Variants in CELA2B observed in about 807,000 individuals in gnomAD.
CELA2B encodes chymotrypsin like elastase 2B.
CELA2B carries 27 observed loss-of-function variants against 36.5 expected under a neutral mutation model. The observed-to-expected ratio is 0.74, with a 90% CI of 0.55 to 1.02. The LOEUF is 1.02. Among genes scored for constraint, CELA2B ranks in the 50% least tolerant of loss-of-function variants. The pLI, the probability that CELA2B is intolerant of heterozygous loss-of-function variation, is 0.00. For synonymous variants in CELA2B, 143 were observed against 148.5 expected (o/e 0.96, Z 0.27); for missense variants, 340 against 347.8 (o/e 0.98, Z 0.18).
chr1:15,483,434 G>C (rs1306243951), intron 5 of CELA2B, 34 bp downstream of exon 5: 1 of 1,613,230 alleles, frequency 6.2e-7, no homozygotes, highest in Non-Finnish European at 8.5e-7. Context: ...AGGCCTGGGA[G>C]GGAAGGGAGG....
Position 15,487,579 on chromosome 1 carries a change from T to C in CELA2B, c.792+142T>C, listed in dbSNP as rs546789093. On this transcript the variant is annotated intron_variant, in intron 7 of 7. Coordinates refer to ENST00000375910, the MANE Select transcript of CELA2B (RefSeq NM_015849.3). The stretch of plus-strand genomic sequence containing the variant: ...ACCCCTTGGAGGAGGCTGCAGACCT[T>C]GGCAACTGCTGAGTCCCCCATGGGT... The C allele has an allele frequency of 2.6e-6, 3 of 1,132,558 alleles. No homozygotes were observed. In the East Asian group the frequency reaches 7.4e-5, roughly 28 times the overall value. The allele number at this position is 1,132,558 out of a possible 1,614,324, so 70.2% of individuals were successfully genotyped here.
At chr1:15,486,995 A>G (rs1442547511) in intron 6 of CELA2B, among the ~76,000 whole-genome samples, 1 of 152,142 alleles carries the variant, frequency 6.6e-6, no homozygotes, top group Non-Finnish European at 1.5e-5. Flanking sequence ...CCAACCTCTC[A>G]ACACTCCAGT....
intron 2 of CELA2B, among the ~76,000 whole-genome samples, chr1:15,480,024 C>A (rs1008509510): frequency 3.9e-5 from 6 of 151,966 alleles, no homozygotes; most frequent in African/African-American, 1.2e-4. Flanking sequence ...AGAGTCTGAG[C>A]AGAGAAGAGA....
chr1:15,489,412 A>G (rs1043149195), intron 7 of CELA2B, among the ~76,000 whole-genome samples: 53 of 152,270 alleles, frequency 3.5e-4, no homozygotes, highest in African/African-American at 8.4e-4. Context: ...GATGCCCGGT[A>G]ACGGGTTTCA....
chr1:15,485,223 C>G (rs1375864742), intron 5 of CELA2B, among the ~76,000 whole-genome samples: 3 of 152,142 alleles, frequency 2.0e-5, no homozygotes, highest in African/African-American at 4.8e-5. Context: ...GCTTCAATAG[C>G]AAGTGAAAAA....
rs1708684671 is a variant in CELA2B at position 15,477,251 on chromosome 1, A to G, written c.129+706A>G. ...CAGATTCATCTTTAACTACAGGCAA[A>G]TCAATGTTACCAAGGAAAATAAATG... On this transcript the variant is annotated intron_variant, in intron 2 of 7. Transcript: ENST00000375910. 2.6e-5 allele frequency among the ~76,000 whole-genome samples: 4 copies of G among 152,346 alleles called. 1 individual carries two copies. The South Asian group carries it at 8.3e-4, about 32-fold the overall frequency.
Position 15,481,488 on chromosome 1 carries a change from A to G in CELA2B, c.227+293A>G, listed in dbSNP as rs3737700. On this transcript the variant is annotated intron_variant, in intron 3 of 7. Coordinates refer to ENST00000375910, the MANE Select transcript of CELA2B (RefSeq NM_015849.3). ...ACTACATGTGGCCTCAGTGTCTGGA[A>G]TTGGGTTCCCTTGAACAACTTAACT... Among the ~76,000 whole-genome samples, 727 of 152,322 alleles carry G rather than the reference A, an allele frequency of 4.8e-3. 7 individuals are homozygous for G. The highest frequency in any genetic ancestry group is 0.022 in the East Asian group (113 of 5,182).
At position 15,485,936 on chromosome 1, in the gene CELA2B, C is replaced by A; in HGVS notation, c.529C>A (p.Gln177Lys). Residue 177 changes from glutamine to lysine, a missense_variant, in exon 6 of 8, where the codon CAG (glutamine) becomes AAG (lysine). Gln to Lys is a moderately conservative substitution (Grantham distance 53). Transcript: ENST00000375910. ...GALPDDLKQG[Q>K]LLVVDYATCS... ...TCTCCCTGATGACCTGAAGCAGGGCCAGTTGCTGGTTGTGGACTATGCCAC... is the reference window on the plus strand; with the variant it reads ...TCTCCCTGATGACCTGAAGCAGGGCAAGTTGCTGGTTGTGGACTATGCCAC... The A allele has an allele frequency of 6.2e-7, 1 of 1,614,172 alleles. No homozygotes were observed.
intron 5 of CELA2B, among the ~76,000 whole-genome samples, chr1:15,484,783 T>C (rs752802308): frequency 2.0e-5 from 3 of 152,056 alleles, no homozygotes; most frequent in Non-Finnish European, 4.4e-5. Flanking sequence ...ATCTGTAAAA[T>C]GGAAACACTG....
intron 1 of CELA2B, 145 bp downstream of exon 1, chr1:15,476,310 G>T: frequency 7.1e-7 from 1 of 1,417,208 alleles, no homozygotes; most frequent in South Asian, 1.3e-5. Context: ...GAGTTTCAAA[G>T]AATTGGAGCA....
At chr1:15,490,277 T>C (rs61781042) in intron 7 of CELA2B, among the ~76,000 whole-genome samples, 5 of 92,938 alleles carry the variant, frequency 5.4e-5, no homozygotes, top group South Asian at 3.1e-4. Flanking sequence ...CACACACACA[T>C]AGACACTGTC....
At chr1:15,485,511 A>G (rs1302938425) in intron 5 of CELA2B, among the ~76,000 whole-genome samples, 2 of 152,260 alleles carry the variant, frequency 1.3e-5, no homozygotes. Flanking sequence ...CAGGGGCTGG[A>G]AGCCTGTGAG....
intron 5 of CELA2B, among the ~76,000 whole-genome samples, chr1:15,484,770 C>G (rs767767134): frequency 7.2e-5 from 11 of 152,124 alleles, no homozygotes; most frequent in Non-Finnish European, 4.4e-5. Context: ...CCTCAGTTTC[C>G]TCATCTGTAA....
intron 2 of CELA2B, among the ~76,000 whole-genome samples, chr1:15,480,136 G>A (rs1426799665): frequency 6.6e-6 from 1 of 152,154 alleles, no homozygotes; most frequent in Non-Finnish European, 1.5e-5. Context: ...TGATCATCGA[G>A]AAGAGAGGGT....
In CELA2B at chr1:15,483,296, C is replaced by G; in HGVS notation, c.389C>G (p.Pro130Arg). 6.2e-7 allele frequency: 1 copy of G among 1,613,902 alleles called. No individual in the cohort carries two copies. ...ATTGCCCTGCTCAAACTGGCTAACC[C>G]CGTCTCCCTCACCGACAAGATCCAG... ...NDIALLKLANPVSLTDKIQLA... is the reference protein window; with the variant it reads ...NDIALLKLANRVSLTDKIQLA... The change falls in exon 5 of 8, where the codon CCC (proline) becomes CGC (arginine). Residue 130 changes from proline (P) to arginine (R), a missense_variant. By Grantham distance (103) the Pro-to-Arg change is moderately radical. Transcript: ENST00000375910.
intron 7 of CELA2B, among the ~76,000 whole-genome samples, chr1:15,489,141 C>A (rs1427349428): frequency 6.6e-6 from 1 of 152,218 alleles, no homozygotes; most frequent in African/African-American, 2.4e-5. Context: ...CCAGCCCCAG[C>A]TGCTGTGGGA....
chr1:15,479,167 C>T (rs11585808), intron 2 of CELA2B, among the ~76,000 whole-genome samples: 36,968 of 152,020 alleles, frequency 0.24, 5,139 homozygotes, highest in African/African-American at 0.37. Flanking sequence ...TTCACTTGGT[C>T]CAATTTTAAG....
chr1:15,487,129 G>A (rs1175069190), intron 6 of CELA2B, among the ~76,000 whole-genome samples, 156 bp from the exon 7 acceptor site: 1 of 152,226 alleles, frequency 6.6e-6, no homozygotes, highest in Non-Finnish European at 1.5e-5. Flanking sequence ...GTTGGCTCTT[G>A]TTGGAATTAT....
chr1:15,476,292 C>T (rs907670597), intron 1 of CELA2B, 127 bp downstream of exon 1: 5 of 1,453,730 alleles, frequency 3.4e-6, no homozygotes, highest in East Asian at 2.3e-5. Context: ...CATAAGAAAA[C>T]CGAAATGGAG....
Sources: allele counts gnomAD v4.1 joint callset (sites outside exome capture counted in the v4.1 genomes callset), GRCh38; gene constraint gnomAD v4.1.1; transcripts MANE v1.5; gene names NCBI Gene and HGNC (gene_info 2026-07-23, HGNC 2026-07-21).